The following VCAN variants were observed in gnomAD, a reference collection of about 807,000 sequenced individuals.
VCAN encodes versican.
A neutral mutation model predicts 245.5 loss-of-function variants in VCAN; 44 were observed. That is an observed-to-expected ratio of 0.18 (90% CI 0.14 to 0.23). The LOEUF is 0.23. Among genes scored for constraint, VCAN ranks in the 10% least tolerant of loss-of-function variants. The pLI, the probability that VCAN is intolerant of heterozygous loss-of-function variation, is 1.00. For synonymous variants in VCAN, 1,413 were observed against 1,437.0 expected, an observed-to-expected ratio of 0.98 and a Z score of 0.38; for missense variants, 3,793 against 4,057.9, an observed-to-expected ratio of 0.93 and a Z score of 1.77.
chr5:83,545,414 G>A lies in VCAN; in HGVS notation c.9266-123G>A, dbSNP rs145144555. Reference sequence around the variant, plus strand: ...AAGTTAATGTTAATTTTTATATGTAGTAACTCTAAATTGCTATGGTAAAGC... The same window carrying A: ...AAGTTAATGTTAATTTTTATATGTAATAACTCTAAATTGCTATGGTAAAGC... On this transcript the variant is annotated intron_variant, in intron 8 of 14. Coordinates refer to ENST00000265077, the MANE Select transcript of VCAN (RefSeq NM_004385.5). 2.5e-4 allele frequency: 200 copies of A among 803,950 alleles called. 1 individual carries two copies. In the East Asian group the frequency reaches 4.8e-3, roughly 19 times the overall value. 49.8% of individuals were successfully genotyped at this position (803,950 alleles called of 1,614,324 possible).
Position 83,580,106 on chromosome 5 carries a change from C to T in VCAN, c.10007C>T (p.Thr3336Ile). Reference protein sequence around the residue: ...KDGFIQRHLPTIRCLGNGRWA... With the variant: ...KDGFIQRHLPIIRCLGNGRWA... Reference sequence around the variant, plus strand: ...GGTTTCATTCAACGTCACCTTCCAACTATCCGGTGCTTAGGAAATGGAAGA... The same window carrying T: ...GGTTTCATTCAACGTCACCTTCCAATTATCCGGTGCTTAGGAAATGGAAGA... Residue 3336 changes from threonine to isoleucine, a missense_variant, in exon 14 of 15, where the codon ACT (threonine) becomes ATT (isoleucine). Coordinates refer to ENST00000265077, the MANE Select transcript of VCAN (RefSeq NM_004385.5). The T allele has an allele frequency of 6.2e-7, 1 of 1,614,076 alleles. No individual in the cohort carries two copies. The highest frequency in any genetic ancestry group is 8.5e-7 in the Non-Finnish European group (1 of 1,179,994).
At chr5:83,487,229 T>C (rs1744822822) in intron 2 of VCAN, among the ~76,000 whole-genome samples, 1 of 152,184 alleles carries the variant, frequency 6.6e-6, no homozygotes, top group African/African-American at 2.4e-5. Context: ...TATTCTCAAT[T>C]TGACATTTAT....
rs1287405000 is a variant in VCAN at position 83,539,406 on chromosome 5, A to G, written c.6403A>G (p.Thr2135Ala). 5 of 1,613,992 alleles carry G rather than the reference A, an allele frequency of 3.1e-6. No homozygotes were observed. Among genetic ancestry groups the G allele is most frequent in the Non-Finnish European group, 1.7e-6 (2 of 1,179,958 alleles). Residue 2135 changes from threonine (T) to alanine (A), a missense_variant, in exon 8 of 15, where the codon ACA (threonine) becomes GCA (alanine). Thr to Ala is a moderately conservative substitution (Grantham distance 58, BLOSUM62 0). Transcript: ENST00000265077. The stretch of plus-strand genomic sequence containing the variant: ...TGAATCCCCTCAAAACTCTCCTGCA[A>G]CAGAACAAACAATCTTTGATTCACA... ...SFESPQNSPA[T>A]EQTIFDSQTF...
intron 12 of VCAN, 35 bp downstream of exon 12, chr5:83,555,073 C>T (rs1448040924): frequency 1.9e-6 from 3 of 1,608,868 alleles, no homozygotes; most frequent in Admixed American, 3.3e-5. Context: ...CAAGTTCTAC[C>T]TTCTGGAAAT....
chr5:83,560,443 T>C (rs1224584321), intron 12 of VCAN, among the ~76,000 whole-genome samples: 1 of 152,154 alleles, frequency 6.6e-6, no homozygotes, highest in Non-Finnish European at 1.5e-5. Flanking sequence ...ATGCTTTGGC[T>C]AAGGGTGATT....
chr5:83,473,653 C>T (rs764868606), intron 1 of VCAN, among the ~76,000 whole-genome samples: 16 of 152,156 alleles, frequency 1.1e-4, no homozygotes, highest in Non-Finnish European at 2.1e-4. Context: ...CGGATCTGCC[C>T]CCAGTTCAGC....
intron 11 of VCAN, among the ~76,000 whole-genome samples, chr5:83,554,349 C>T (rs918836116): frequency 3.3e-5 from 5 of 152,152 alleles, no homozygotes; most frequent in Non-Finnish European, 7.4e-5. Context: ...CTCGTGATGC[C>T]TACTATCGTT....
chr5:83,489,979 A>G, intron 2 of VCAN, 119 bp from the exon 3 acceptor site: 1 of 989,392 alleles, frequency 1.0e-6, no homozygotes, highest in Non-Finnish European at 1.5e-6. Context: ...CATTCTAATT[A>G]TGTCACATGT....
chr5:83,495,252 A>G (rs957744857), intron 5 of VCAN, among the ~76,000 whole-genome samples: 1 of 152,178 alleles, frequency 6.6e-6, no homozygotes, highest in Non-Finnish European at 1.5e-5. Flanking sequence ...TGTGAATTGA[A>G]TAAGCAATCT....
chr5:83,517,794 A>T (rs1038093510), intron 6 of VCAN, among the ~76,000 whole-genome samples: 2 of 152,232 alleles, frequency 1.3e-5, no homozygotes, highest in African/African-American at 4.8e-5. Flanking sequence ...GACTTTAAAG[A>T]ATATTTAAAT....
chr5:83,517,949 A>C (rs1356144543), intron 6 of VCAN, among the ~76,000 whole-genome samples: 1 of 152,218 alleles, frequency 6.6e-6, no homozygotes, highest in Non-Finnish European at 1.5e-5. Flanking sequence ...TCTGATTTAC[A>C]ATAAAATCAC....
intron 13 of VCAN, among the ~76,000 whole-genome samples, chr5:83,577,281 A>G (rs976120114): frequency 1.3e-5 from 2 of 152,140 alleles, no homozygotes; most frequent in Admixed American, 6.6e-5. Flanking sequence ...TGACATACTG[A>G]TTAATATGTA....
intron 7 of VCAN, among the ~76,000 whole-genome samples, chr5:83,530,040 G>A (rs938368980): frequency 2.0e-5 from 3 of 152,062 alleles, no homozygotes; most frequent in South Asian, 4.2e-4. Context: ...TTAAAAATCC[G>A]AACCCGACAT....
In VCAN at chr5:83,521,885, C is replaced by T. The variant is rs1746118933; in HGVS notation, c.3579C>T (p.Leu1193=). ...TTGAAAAGCCCAAAGCCACAGAACT[C>T]ATAGAATTTTCAACAATCAAAGTCA... ...GLFEKPKATE[L]IEFSTIKVTV... Residue 1193 remains leucine, a synonymous_variant, in exon 7 of 15, where the codon CTC becomes CTT. Transcript: ENST00000265077. The T allele has an allele frequency of 1.2e-6, 2 of 1,614,014 alleles. No individual in the cohort carries two copies. Among genetic ancestry groups the T allele is most frequent in the African/African-American group, 1.3e-5 (1 of 74,906 alleles).
At chr5:83,489,345 A>T (rs1018469468) in intron 2 of VCAN, among the ~76,000 whole-genome samples, 2 of 152,208 alleles carry the variant, frequency 1.3e-5, no homozygotes, top group African/African-American at 4.8e-5. Context: ...TAATGGTGTT[A>T]AACTGTAGTC....
rs1746085374 is a variant in VCAN at position 83,521,247 on chromosome 5, A to G, written c.2941A>G (p.Thr981Ala). Residue 981 changes from threonine (T) to alanine (A), a missense_variant, in exon 7 of 15, where the codon ACA (threonine) becomes GCA (alanine). Around this residue, in one of 5 missense-constraint regions of VCAN, gnomAD observed 3,182 missense variants for 3,250.3 expected, o/e 0.98. Transcript: ENST00000265077. ...CATTCCTCTTTCTGTAATTCCCAAGACAGACTGGGGAGTGTTAGTACCTTC... is the reference window on the plus strand; with the variant it reads ...CATTCCTCTTTCTGTAATTCCCAAGGCAGACTGGGGAGTGTTAGTACCTTC... ...HTIPLSVIPKTDWGVLVPSVP... is the reference protein window; with the variant it reads ...HTIPLSVIPKADWGVLVPSVP... The G allele has an allele frequency of 2.5e-6, 4 of 1,614,102 alleles. No individual in the cohort carries two copies. The East Asian group carries it at 8.9e-5, about 36-fold the overall frequency.
At chr5:83,562,675 A>T (rs1580070313) in intron 12 of VCAN, among the ~76,000 whole-genome samples, 1 of 150,808 alleles carries the variant, frequency 6.6e-6, no homozygotes, top group African/African-American at 2.4e-5. Flanking sequence ...AAAAAAAAAT[A>T]TATTGAATGA....
chr5:83,553,453 C>T lies in VCAN; in HGVS notation c.9583C>T (p.Arg3195Trp), dbSNP rs747920387. 29 of 1,613,982 alleles carry T rather than the reference C, an allele frequency of 1.8e-5. No individual in the cohort carries two copies. Among genetic ancestry groups the T allele is most frequent in the Middle Eastern group, 1.6e-4 (1 of 6,078 alleles). The change falls in exon 11 of 15, where the codon CGG becomes TGG. Residue 3195 changes from arginine (R) to tryptophan (W), a missense_variant. By Grantham distance (101) the Arg-to-Trp change is moderately radical. This residue lies in a region of VCAN where 205 missense variants were observed against 321.1 expected (regional missense o/e 0.64). Transcript: ENST00000265077. ...TCGACGCACATGGGATGCAGCTGAA[C>T]GGGAATGCCGTCTGCAGGGTGCCCA... ...AHRRTWDAAE[R>W]ECRLQGAHLT... is the part of the protein sequence containing the mutation.
At chr5:83,502,024 T>G (rs1446722916) in intron 5 of VCAN, among the ~76,000 whole-genome samples, 1 of 152,210 alleles carries the variant, frequency 6.6e-6, no homozygotes, top group Non-Finnish European at 1.5e-5. Flanking sequence ...TTAAATTTAC[T>G]TGTAAATATT....
Sources: gnomAD v4.1 joint callset for allele counts (sites outside exome capture counted in the v4.1 genomes callset) on GRCh38, gnomAD v4.1.1 for gene constraint, gnomAD v4.1.1 regional missense constraint, MANE v1.5 for transcripts, NCBI Gene and HGNC (gene_info 2026-07-23, HGNC 2026-07-21) for gene names.